The following CCSER1 variants were observed in gnomAD, a reference collection of about 807,000 sequenced individuals.
CCSER1 encodes the protein serine-rich coiled-coil domain-containing protein 1.
A neutral mutation model predicts 82.0 loss-of-function variants in CCSER1; 41 were observed. That is an observed-to-expected ratio of 0.50 (90% CI 0.39 to 0.65). The LOEUF (loss-of-function observed/expected upper bound fraction) is 0.65. Among genes scored for constraint, CCSER1 ranks in the 30% least tolerant of loss-of-function variants. The pLI is 0.00. For missense variants in CCSER1, 1,119 were observed against 1,064.2 expected (o/e 1.05, Z -0.72); for synonymous variants, 414 against 383.9 (o/e 1.08, Z -0.92).
intron 10 of CCSER1, among the ~76,000 whole-genome samples, chr4:91,596,217 A>G (rs1274934748): frequency 6.6e-6 from 1 of 152,064 alleles, no homozygotes; most frequent in Non-Finnish European, 1.5e-5. Context: ...TCAATTTAAT[A>G]TAATATGCCA....
intron 3 of CCSER1, among the ~76,000 whole-genome samples, chr4:90,338,152 A>T (rs182172304): frequency 2.3e-4 from 35 of 152,274 alleles, no homozygotes; most frequent in East Asian, 1.7e-3. Flanking sequence ...GACTTGCCCC[A>T]TCTAAGATAG....
At chr4:90,295,126 A>G (rs1212200448) in intron 1 of CCSER1, among the ~76,000 whole-genome samples, 2 of 151,912 alleles carry the variant, frequency 1.3e-5, no homozygotes, top group Non-Finnish European at 2.9e-5. Flanking sequence ...CATTTATATT[A>G]TTTTATATTT....
chr4:90,883,719 G>T (rs763984038), intron 8 of CCSER1, among the ~76,000 whole-genome samples: 7 of 152,164 alleles, frequency 4.6e-5, no homozygotes, highest in Non-Finnish European at 1.0e-4. Flanking sequence ...TTCTGTCACC[G>T]TGAGGTGCTT....
At chr4:91,251,985 G>C (rs1416869738) in intron 10 of CCSER1, among the ~76,000 whole-genome samples, 1 of 152,076 alleles carries the variant, frequency 6.6e-6, no homozygotes, top group Non-Finnish European at 1.5e-5. Flanking sequence ...AACCATCCAA[G>C]AAGCTCAATA....
At chr4:91,587,080 T>A (rs766179203) in intron 10 of CCSER1, among the ~76,000 whole-genome samples, 1 of 151,776 alleles carries the variant, frequency 6.6e-6, no homozygotes, top group Non-Finnish European at 1.5e-5. Context: ...CTCAGATACC[T>A]CTTCTCTCAC....
intron 10 of CCSER1, among the ~76,000 whole-genome samples, chr4:91,497,879 A>C (rs1434738443): frequency 6.6e-6 from 1 of 151,938 alleles, no homozygotes; most frequent in East Asian, 1.9e-4. Flanking sequence ...TTTAACCTCT[A>C]GAAGTATCTT....
intron 5 of CCSER1, among the ~76,000 whole-genome samples, chr4:90,516,449 C>T (rs1234533271): frequency 6.6e-6 from 1 of 152,060 alleles, no homozygotes; most frequent in East Asian, 1.9e-4. Context: ...GAAGGAGAAG[C>T]AAGTTGTTGG....
At chr4:91,354,367 C>T (rs1475604379) in intron 10 of CCSER1, among the ~76,000 whole-genome samples, 2 of 152,132 alleles carry the variant, frequency 1.3e-5, no homozygotes, top group East Asian at 3.9e-4. Context: ...CTTAATGGTG[C>T]CAATTATACA....
intron 10 of CCSER1, among the ~76,000 whole-genome samples, chr4:91,365,065 T>C (rs747853266): frequency 6.6e-5 from 10 of 152,162 alleles, no homozygotes; most frequent in Non-Finnish European, 1.3e-4. Context: ...ACTACTTCCA[T>C]CAAAGTATAG....
chr4:90,364,315 T>C (rs1210707691), intron 3 of CCSER1, among the ~76,000 whole-genome samples: 3 of 152,050 alleles, frequency 2.0e-5, no homozygotes, highest in Non-Finnish European at 4.4e-5. Context: ...TCCCACTAAC[T>C]GAATCCTCTT....
chr4:91,470,436 C>T (rs2149443204), intron 10 of CCSER1, among the ~76,000 whole-genome samples: 1 of 100,404 alleles, frequency 1.0e-5, no homozygotes, highest in East Asian at 4.5e-4. Context: ...TTATGGAAGA[C>T]TGAAATGGTA....
intron 10 of CCSER1, among the ~76,000 whole-genome samples, chr4:91,253,904 A>G (rs1461910623): frequency 6.6e-6 from 1 of 151,984 alleles, no homozygotes. Flanking sequence ...TCTCATGAGA[A>G]CTCACTATCA....
At chr4:90,567,025 C>A (rs963697319) in intron 5 of CCSER1, among the ~76,000 whole-genome samples, 9 of 110,320 alleles carry the variant, frequency 8.2e-5, no homozygotes, top group East Asian at 2.7e-4. Context: ...AAAAAAAAAA[C>A]AAAAACAAAA....
At chr4:91,566,169 T>G (rs1436900772) in intron 10 of CCSER1, among the ~76,000 whole-genome samples, 1 of 152,156 alleles carries the variant, frequency 6.6e-6, no homozygotes, top group East Asian at 1.9e-4. Flanking sequence ...TGTCTTTAGT[T>G]CTGTTGATGT....
chr4:91,481,059 C>T (rs892415117), intron 10 of CCSER1, among the ~76,000 whole-genome samples: 1 of 130,180 alleles, frequency 7.7e-6, no homozygotes, highest in Non-Finnish European at 1.6e-5. Flanking sequence ...CCCCTGCCCT[C>T]CCTTCCCCTC....
At chr4:91,255,715 C>G (rs1008204190) in intron 10 of CCSER1, among the ~76,000 whole-genome samples, 1 of 152,188 alleles carries the variant, frequency 6.6e-6, no homozygotes, top group Non-Finnish European at 1.5e-5. Flanking sequence ...TTTCTTATGC[C>G]TGTCTTTACT....
At chr4:90,247,204 T>G (rs1721573538) in intron 1 of CCSER1, among the ~76,000 whole-genome samples, 1 of 152,194 alleles carries the variant, frequency 6.6e-6, no homozygotes, top group South Asian at 2.1e-4. Context: ...TTAATATTTT[T>G]AGATTGCCAT....
chr4:91,544,208 C>G (rs1761759765), intron 10 of CCSER1, among the ~76,000 whole-genome samples: 1 of 152,076 alleles, frequency 6.6e-6, no homozygotes, highest in Non-Finnish European at 1.5e-5. Context: ...TTCACCTAAT[C>G]TTTTTTCCAG....
rs181378862 is a variant in CCSER1 at position 90,665,407 on chromosome 4, C to T, written c.1932+37175C>T. On this transcript the variant is annotated intron_variant, in intron 6 of 10. Coordinates refer to ENST00000509176, the MANE Select transcript of CCSER1 (RefSeq NM_001145065.2). Reference sequence around the variant, plus strand: ...CGTGATCTCGGCTCACTGCAGGCTCCGCCCCCAGAGTTCACGCCATTCTCC... The same window carrying T: ...CGTGATCTCGGCTCACTGCAGGCTCTGCCCCCAGAGTTCACGCCATTCTCC... 3.6e-4 allele frequency among the ~76,000 whole-genome samples: 54 copies of T among 151,814 alleles called. 1 individual carries two copies. The East Asian group carries it at 0.01, about 29-fold the overall frequency.
Sources: allele counts gnomAD v4.1 joint callset (sites outside exome capture counted in the v4.1 genomes callset), GRCh38; gene constraint gnomAD v4.1.1; transcripts MANE v1.5; gene names NCBI Gene and HGNC (gene_info 2026-07-23, HGNC 2026-07-21).